The following C17orf99 variants were observed in gnomAD, a reference collection of about 807,000 sequenced individuals.
C17orf99 encodes chromosome 17 open reading frame 99, also known as protein IL-40.
A neutral mutation model predicts 22.6 loss-of-function variants in C17orf99; 18 were observed. The observed-to-expected ratio is 0.80, with a 90% CI of 0.55 to 1.18. The LOEUF (loss-of-function observed/expected upper bound fraction) is 1.18. C17orf99 is among the 50% of genes most tolerant of loss of function. C17orf99 has a pLI of 0.00. For missense variants in C17orf99, 328 were observed against 342.7 expected (o/e 0.96, Z 0.34); for synonymous variants, 147 against 136.6 (o/e 1.08, Z -0.53).
Position 78,146,517 on chromosome 17 carries a change from G to A in C17orf99, c.37+73G>A. 2.2e-6 allele frequency: 3 copies of A among 1,364,328 alleles called. No homozygotes were observed. Among genetic ancestry groups the A allele is most frequent in the Non-Finnish European group, 3.1e-6 (3 of 983,106 alleles). The allele number at this position is 1,364,328 out of a possible 1,614,324, so 84.5% of individuals were successfully genotyped here. A position where few individuals can be genotyped will look rare whatever the true frequency, so the allele number is the denominator to read the frequency against. On this transcript the variant is annotated intron_variant, in intron 1 of 4. Coordinates refer to ENST00000340363, the MANE Select transcript of C17orf99 (RefSeq NM_001163075.2). The surrounding 1 kb of genome is among the most constrained non-coding windows in gnomAD (Gnocchi z 5.2). ...GGTCTTGGGCTCAGGTGGGGGTACT[G>A]GGAGCACAGGAGAGATGAGGCCTGA...
intron 2 of C17orf99, among the ~76,000 whole-genome samples, chr17:78,156,394 C>G (rs1369706228): frequency 6.7e-6 from 1 of 148,990 alleles, no homozygotes; most frequent in Non-Finnish European, 1.5e-5. Flanking sequence ...AGGAAGATCT[C>G]AGAGATGTTT....
chr17:78,164,886 C>T (rs2075606776), intron 4 of C17orf99: 5 of 1,175,714 alleles, frequency 4.3e-6, no homozygotes, highest in Non-Finnish European at 5.3e-6. Context: ...CGTTATCGGA[C>T]CCTGACCAGT....
At chr17:78,151,322 G>A (rs2075480981) in intron 2 of C17orf99, among the ~76,000 whole-genome samples, 1 of 149,870 alleles carries the variant, frequency 6.7e-6, no homozygotes, top group Admixed American at 6.7e-5. Context: ...CTACTCAGGA[G>A]GCTGAAGCAC....
chr17:78,164,087 C>A lies in C17orf99; in HGVS notation c.371-8C>A, dbSNP rs1207024402. On this transcript the variant is annotated splice_polypyrimidine_tract_variant and splice_region_variant and intron_variant, in intron 3 of 4. Coordinates refer to ENST00000340363, the MANE Select transcript of C17orf99 (RefSeq NM_001163075.2). ...CCATGCCTGTGCTACCTTCTCCCACCCTGCCAGAGCCAGTGTCTGAGCTGC... is the reference window on the plus strand; with the variant it reads ...CCATGCCTGTGCTACCTTCTCCCACACTGCCAGAGCCAGTGTCTGAGCTGC... 8 of 1,551,390 alleles carry A rather than the reference C, an allele frequency of 5.2e-6. No individual in the cohort carries two copies. The highest frequency in any genetic ancestry group is 7.0e-6 in the Non-Finnish European group (8 of 1,146,728).
At chr17:78,163,029 C>T (rs1335163420) in intron 3 of C17orf99, among the ~76,000 whole-genome samples, 1 of 152,248 alleles carries the variant, frequency 6.6e-6, no homozygotes, top group Non-Finnish European at 1.5e-5. Flanking sequence ...AAGTGATCCA[C>T]CTACCTAGGC....
intron 3 of C17orf99, 21 bp from the exon 4 acceptor site, chr17:78,164,074 T>C (rs774338856): frequency 6.5e-7 from 1 of 1,548,382 alleles, no homozygotes; most frequent in African/African-American, 1.4e-5. Context: ...ATGCCTGTGC[T>C]ACCTTCTCCC....
chr17:78,153,513 C>T (rs530138556), intron 2 of C17orf99, among the ~76,000 whole-genome samples: 20 of 152,148 alleles, frequency 1.3e-4, no homozygotes, highest in African/African-American at 4.6e-4. Flanking sequence ...GTGAATGTCC[C>T]TGGTACAGTG....
chr17:78,160,178 G>T (rs911602487), intron 2 of C17orf99: 2 of 452,194 alleles, frequency 4.4e-6, no homozygotes, highest in Non-Finnish European at 8.9e-6. Context: ...TTACTCTGAG[G>T]TCTACTGGTT....
chr17:78,165,293 C>T (rs1444862702), intron 4 of C17orf99: 21 of 986,164 alleles, frequency 2.1e-5, no homozygotes, highest in Non-Finnish European at 2.5e-5. Flanking sequence ...GTGGCCCAGG[C>T]CCTTACGTGG....
In C17orf99 at chr17:78,153,453, C is replaced by A. The variant is rs75687967; in HGVS notation, c.70+6542C>A. On this transcript the variant is annotated intron_variant, in intron 2 of 4. Transcript: ENST00000340363. The stretch of plus-strand genomic sequence containing the variant: ...TGAACCAAGATCGTGTCACTGCAGT[C>A]CAGCCTGGGCGACAGAGCAAGACTC... Among the ~76,000 whole-genome samples the A allele has an allele frequency of 8.6e-3, 1,303 of 151,858 alleles. 17 individuals are homozygous for A. Among genetic ancestry groups the A allele is most frequent in the African/African-American group, 0.03 (1,243 of 41,324 alleles).
At chr17:78,157,308 G>A (rs112856425) in intron 2 of C17orf99, 91,256 of 455,908 alleles carry the variant, frequency 0.2, 10,256 homozygotes, top group Non-Finnish European at 0.23. Context: ...AGGTGCCTGC[G>A]TACTAAGACC....
At chr17:78,147,097 C>T (rs2075443322) in intron 2 of C17orf99, among the ~76,000 whole-genome samples, 186 bp downstream of exon 2, 1 of 152,170 alleles carries the variant, frequency 6.6e-6, no homozygotes, top group Non-Finnish European at 1.5e-5. Context: ...TGGAGATGGG[C>T]AGGCCAAGCA....
chr17:78,165,919 G>C lies in C17orf99; in HGVS notation c.671G>C (p.Gly224Ala). 4.3e-6 allele frequency: 6 copies of C among 1,401,930 alleles called. No individual in the cohort carries two copies. Among genetic ancestry groups the C allele is most frequent in the East Asian group, 2.7e-5 (1 of 37,226 alleles). The allele number at this position is 1,401,930 out of a possible 1,614,324, so 86.8% of individuals were successfully genotyped here. ...GACCAGAAGATGGAGGACTGGCAGG[G>C]TCCCCTGGAGAGCCCCATCCTTGCC... is the stretch of plus-strand genomic sequence containing the variant. ...GGDQKMEDWQ[G>A]PLESPILALP... Residue 224 changes from glycine (G) to alanine (A), a missense_variant, in exon 5 of 5, where the codon GGT becomes GCT. By Grantham distance (60) the Gly-to-Ala change is moderately conservative. Coordinates refer to ENST00000340363, the MANE Select transcript of C17orf99 (RefSeq NM_001163075.2).
At chr17:78,150,237 G>A (rs184663426) in intron 2 of C17orf99, among the ~76,000 whole-genome samples, 1 of 151,954 alleles carries the variant, frequency 6.6e-6, no homozygotes, top group Non-Finnish European at 1.5e-5. Flanking sequence ...TCAGACTCAA[G>A]CTCAAGTGAT....
At chr17:78,163,435 C>T (rs905135709) in intron 3 of C17orf99, among the ~76,000 whole-genome samples, 6 of 152,074 alleles carry the variant, frequency 3.9e-5, no homozygotes, top group Non-Finnish European at 5.9e-5. Context: ...GTAAAAAAGA[C>T]GAGACTGAAT....
chr17:78,160,362 C>T (rs974357005), intron 2 of C17orf99, among the ~76,000 whole-genome samples: 7 of 151,878 alleles, frequency 4.6e-5, no homozygotes. Flanking sequence ...ATGGTGAAAC[C>T]CTGTCTCTAC....
chr17:78,161,397 C>A, intron 3 of C17orf99, 143 bp downstream of exon 3: 1 of 719,246 alleles, frequency 1.4e-6, no homozygotes. Flanking sequence ...CTGCCACCTC[C>A]AAGGCCATTC....
intron 2 of C17orf99, 150 bp downstream of exon 2, chr17:78,147,061 T>G: frequency 1.4e-6 from 1 of 722,368 alleles, no homozygotes; most frequent in Non-Finnish European, 2.4e-6. Flanking sequence ...GAACACTCTC[T>G]TCACCCTGCA....
chr17:78,157,090 G>A (rs2075531478), intron 2 of C17orf99, among the ~76,000 whole-genome samples: 1 of 151,670 alleles, frequency 6.6e-6, no homozygotes, highest in African/African-American at 2.4e-5. Flanking sequence ...AGTACTTTGG[G>A]AGGCCGAGGT....
Sources: allele counts gnomAD v4.1 joint callset (sites outside exome capture counted in the v4.1 genomes callset), GRCh38; gene constraint gnomAD v4.1.1; non-coding constraint Gnocchi (gnomAD v3.1); transcripts MANE v1.5; gene names NCBI Gene and HGNC (gene_info 2026-07-23, HGNC 2026-07-21).